Variants in BAZ1A observed in about 807,000 individuals in gnomAD.
The protein encoded by BAZ1A is bromodomain adjacent to zinc finger domain 1A, also known as bromodomain adjacent to zinc finger domain protein 1A.
In BAZ1A, 50 loss-of-function variants were observed where a neutral mutation model predicts 185.2. The ratio of observed to expected loss-of-function variants is 0.27; its 90% CI spans 0.22 to 0.34. The LOEUF (loss-of-function observed/expected upper bound fraction) is 0.34, where lower values mean the gene tolerates loss of function less well. Among genes scored for constraint, BAZ1A ranks in the 10% least tolerant of loss-of-function variants. The probability of loss-of-function intolerance (pLI) is 1.00; values close to 1 mark genes in which losing one functional copy is unlikely to be tolerated. For synonymous variants in BAZ1A, 571 were observed against 615.6 expected, an observed-to-expected ratio of 0.93 and a Z score of 1.07; for missense variants, 1,356 against 1,839.9, an observed-to-expected ratio of 0.74 and a Z score of 4.81.
At chr14:34,832,743 C>T (rs1289418240) in intron 3 of BAZ1A, among the ~76,000 whole-genome samples, 2 of 152,104 alleles carry the variant, frequency 1.3e-5, no homozygotes, top group East Asian at 3.9e-4. Context: ...ACAACTGCTA[C>T]AGAGAACAGT....
intron 5 of BAZ1A, among the ~76,000 whole-genome samples, chr14:34,809,848 A>C (rs1391013233): frequency 6.6e-6 from 1 of 152,218 alleles, no homozygotes; most frequent in African/African-American, 2.4e-5. Flanking sequence ...AACTGTGAAT[A>C]AGGAAAATAT....
chr14:34,823,627 C>CTCCA (rs2042120016), intron 4 of BAZ1A, among the ~76,000 whole-genome samples: 2 of 152,042 alleles, frequency 1.3e-5, no homozygotes, highest in South Asian at 2.1e-4. Flanking sequence ...TGCCATTGTA[C>CTCCA]TCCAGCCTGG....
In BAZ1A at chr14:34,764,984, A is replaced by AT. The variant is rs777387877; in HGVS notation, c.3549+36dup. The AT allele has an allele frequency of 2.5e-6, 4 of 1,613,226 alleles. No individual in the cohort carries two copies. In the African/African-American group the frequency reaches 5.3e-5, roughly 22 times the overall value. On this transcript the variant is annotated intron_variant, in intron 22 of 26. Transcript: ENST00000360310. ...TAATCATCTATTGCTCAAAATCTTA[A>AT]TGTCTCATTTCTAATCTGATAAGAA... is the stretch of plus-strand genomic sequence containing the variant.
intron 4 of BAZ1A, among the ~76,000 whole-genome samples, chr14:34,818,842 T>C (rs1175609716): frequency 6.6e-6 from 1 of 151,980 alleles, no homozygotes; most frequent in Non-Finnish European, 1.5e-5. Flanking sequence ...AATTAATCTA[T>C]GATAAGAATG....
At chr14:34,783,376 T>C (rs1880177676) in intron 15 of BAZ1A, 144 bp from the exon 16 acceptor site, 1 of 579,724 alleles carries the variant, frequency 1.7e-6, no homozygotes, top group Non-Finnish European at 2.9e-6. Context: ...AGCTTTTTTT[T>C]TTTTTTTTTG....
chr14:34,798,493 G>A (rs1056774728), intron 9 of BAZ1A, among the ~76,000 whole-genome samples: 2 of 152,228 alleles, frequency 1.3e-5, no homozygotes, highest in Non-Finnish European at 2.9e-5. Context: ...GGATAAGGCA[G>A]CAATATGTGC....
At chr14:34,767,319 G>A (rs1384747108) in intron 21 of BAZ1A, among the ~76,000 whole-genome samples, 1 of 152,134 alleles carries the variant, frequency 6.6e-6, no homozygotes, top group Non-Finnish European at 1.5e-5. Flanking sequence ...AGAGGCTGAG[G>A]GGAATGGATC....
intron 3 of BAZ1A, 50 bp downstream of exon 3, chr14:34,861,994 G>A: frequency 6.4e-7 from 1 of 1,570,752 alleles, no homozygotes; most frequent in Non-Finnish European, 8.7e-7. Flanking sequence ...TTTGGATTTT[G>A]AGCAATGTGA....
chr14:34,854,159 G>C (rs1253360127), intron 3 of BAZ1A, among the ~76,000 whole-genome samples: 1 of 152,152 alleles, frequency 6.6e-6, no homozygotes, highest in Non-Finnish European at 1.5e-5. Context: ...GTGTGCGGTG[G>C]CTCACATCTG....
intron 3 of BAZ1A, among the ~76,000 whole-genome samples, chr14:34,841,886 A>G (rs1171211970): frequency 6.6e-6 from 1 of 152,182 alleles, no homozygotes; most frequent in Non-Finnish European, 1.5e-5. Context: ...TTCAGAGAAG[A>G]TACTTAAGTG....
At chr14:34,852,443 A>T (rs192920200) in intron 3 of BAZ1A, among the ~76,000 whole-genome samples, 15 of 152,046 alleles carry the variant, frequency 9.9e-5, no homozygotes, top group African/African-American at 3.6e-4. Context: ...ACATAATGAA[A>T]CTGTCTCTAC....
chr14:34,872,665 T>A (rs1008038993), intron 2 of BAZ1A, among the ~76,000 whole-genome samples: 1 of 152,124 alleles, frequency 6.6e-6, no homozygotes. Context: ...AATCTGTATT[T>A]CAGCAATTCA....
intron 12 of BAZ1A, among the ~76,000 whole-genome samples, chr14:34,789,863 C>A (rs1315861174): frequency 6.6e-6 from 1 of 152,172 alleles, no homozygotes; most frequent in Non-Finnish European, 1.5e-5. Flanking sequence ...AACAACATAG[C>A]ATAATTGTAA....
At chr14:34,867,026 G>A (rs558681329) in intron 2 of BAZ1A, among the ~76,000 whole-genome samples, 3 of 151,392 alleles carry the variant, frequency 2.0e-5, no homozygotes, top group African/African-American at 7.3e-5. Context: ...TTGGGAGGCC[G>A]AGGCAGGCAG....
intron 3 of BAZ1A, among the ~76,000 whole-genome samples, chr14:34,856,287 A>ATTT (rs746440929): frequency 3.8e-5 from 4 of 104,064 alleles, no homozygotes; most frequent in Non-Finnish European, 6.2e-5. Context: ...ACTCAAGAGC[A>ATTT]TCTTTTTTTT....
intron 3 of BAZ1A, among the ~76,000 whole-genome samples, chr14:34,851,332 C>CAAA (rs71435818): frequency 3.2e-4 from 14 of 43,396 alleles, no homozygotes; most frequent in Non-Finnish European, 4.7e-4. Flanking sequence ...GACCCTAGCT[C>CAAA]AAAAAAAAAA....
intron 2 of BAZ1A, among the ~76,000 whole-genome samples, chr14:34,871,367 C>T (rs529190810): frequency 6.6e-6 from 1 of 152,306 alleles, no homozygotes; most frequent in African/African-American, 2.4e-5. Context: ...CAGAATAAAT[C>T]GTATTTAAGA....
rs200316231 is a variant in BAZ1A at position 34,862,247 on chromosome 14, C to G, written c.189G>C (p.Thr63=). 74 of 1,614,022 alleles carry G rather than the reference C, an allele frequency of 4.6e-5. No homozygotes were observed. The South Asian group carries it at 7.5e-4, about 16-fold the overall frequency. ...SCAVTGRPGL[T]YQEALESEKK... is the part of the protein sequence containing the mutation. ...TTTCTGACTCAAGTGCTTCCTGATACGTCAGTCCAGGTCTACCCGTCACAG... is the reference window on the plus strand; with the variant it reads ...TTTCTGACTCAAGTGCTTCCTGATAGGTCAGTCCAGGTCTACCCGTCACAG... Residue 63 remains threonine (T), a synonymous_variant, in exon 3 of 27, where the codon ACG becomes ACC. Transcript: ENST00000360310.
intron 3 of BAZ1A, among the ~76,000 whole-genome samples, chr14:34,854,203 G>A (rs189517466): frequency 7.9e-5 from 12 of 152,228 alleles, no homozygotes; most frequent in African/African-American, 2.9e-4. Context: ...AAGACGGGTG[G>A]ATCACTTGAG....
Sources: allele counts gnomAD v4.1 joint callset (sites outside exome capture counted in the v4.1 genomes callset), GRCh38; gene constraint gnomAD v4.1.1; transcripts MANE v1.5; gene names NCBI Gene and HGNC (gene_info 2026-07-23, HGNC 2026-07-21).